The following RGL1 variants were observed in gnomAD, a reference collection of about 807,000 sequenced individuals.
The protein encoded by RGL1 is ral guanine nucleotide dissociation stimulator-like 1.
RGL1 carries 24 observed loss-of-function variants against 95.2 expected under a neutral mutation model. The ratio of observed to expected loss-of-function variants is 0.25; its 90% CI spans 0.18 to 0.35. The LOEUF (loss-of-function observed/expected upper bound fraction) is 0.35. RGL1 is among the 10% of genes least tolerant of loss of function. RGL1 has a pLI of 1.00. For missense variants in RGL1, 715 were observed against 936.3 expected (o/e 0.76, Z 3.08); for synonymous variants, 329 against 344.9 (o/e 0.95, Z 0.51).
At chr1:183,736,213 C>T (rs891237643) in intron 1 of RGL1, among the ~76,000 whole-genome samples, 4 of 152,154 alleles carry the variant, frequency 2.6e-5, no homozygotes, top group African/African-American at 2.4e-5. Flanking sequence ...AAGTACAATA[C>T]GTGAGTGAAA....
Position 183,847,573 on chromosome 1 carries a change from G to A in RGL1, c.146G>A (p.Gly49Glu), listed in dbSNP as rs1400480784. The change falls in exon 3 of 18, where the codon GGG becomes GAG. Residue 49 changes from glycine (G) to glutamate (E), a missense_variant. Physicochemically the swap from Gly to Glu is moderately conservative, Grantham distance 98. This residue lies in a region of RGL1 where 381 missense variants were observed against 484.8 expected (regional missense o/e 0.79). Coordinates refer to ENST00000360851, the MANE Select transcript of RGL1 (RefSeq NM_001297671.3). ...TGTTAATTTATTATACAGGTTGAAG[G>A]GGACCAGCTGCCTCCAGGACACACA... ...NKGARWLGVE[G>E]DQLPPGHTVS... 6.2e-7 allele frequency: 1 copy of A among 1,613,642 alleles called. No homozygotes were observed. Among genetic ancestry groups the A allele is most frequent in the African/African-American group, 1.3e-5 (1 of 74,906 alleles).
intron 1 of RGL1, among the ~76,000 whole-genome samples, chr1:183,734,208 G>A (rs79541912): frequency 0.012 from 1,884 of 152,216 alleles, 47 homozygotes; most frequent in African/African-American, 0.043. Context: ...CATTCCTCCC[G>A]TGAGAAGTCC....
At chr1:183,907,984 G>A (rs192738870) in intron 14 of RGL1, among the ~76,000 whole-genome samples, 44 of 152,122 alleles carry the variant, frequency 2.9e-4, no homozygotes, top group African/African-American at 8.0e-4. Flanking sequence ...ATGACAGGGC[G>A]AGACCCTGTC....
Position 183,805,237 on chromosome 1 carries a change from T to G in RGL1, c.-61T>G. On this transcript the variant is annotated 5_prime_UTR_variant, in exon 1 of 18. The change creates a new upstream start codon in the 5' untranslated region. Transcript: ENST00000360851. ...CCGCGGGGCTGAGCCCAGCAGACAT[T>G]GCGTTGGCCTCCGAGCAGGGCGCAT... 6.3e-7 allele frequency: 1 copy of G among 1,599,598 alleles called. No individual in the cohort carries two copies. The highest frequency in any genetic ancestry group is 1.3e-5 in the African/African-American group (1 of 74,818).
intron 9 of RGL1, among the ~76,000 whole-genome samples, chr1:183,893,105 G>A (rs2102675787): frequency 6.6e-6 from 1 of 152,330 alleles, no homozygotes; most frequent in African/African-American, 2.4e-5. Context: ...CAGCTTCATA[G>A]AGAAGGTAAA....
chr1:183,650,269 C>T lies in RGL1; in HGVS notation c.-33+13768C>T, dbSNP rs540695586. Reference sequence around the variant, plus strand: ...TTATTAAAAATAATATTCGGCCAGGCGTGGTGGCTCACGCCTATAATCCCA... The same window carrying T: ...TTATTAAAAATAATATTCGGCCAGGTGTGGTGGCTCACGCCTATAATCCCA... On this transcript the variant is annotated intron_variant, in intron 1 of 18. Transcript: ENST00000304685. 4.9e-5 allele frequency among the ~76,000 whole-genome samples: 7 copies of T among 143,814 alleles called. 1 individual carries two copies. In the South Asian group the frequency reaches 1.3e-3, roughly 27 times the overall value. 94.3% of individuals were successfully genotyped at this position (143,814 alleles called of 152,430 possible). A position where few individuals can be genotyped will look rare whatever the true frequency, so the allele number is the denominator to read the frequency against.
At chr1:183,748,911 T>C (rs1205664556) in intron 2 of RGL1, among the ~76,000 whole-genome samples, 1 of 152,222 alleles carries the variant, frequency 6.6e-6, no homozygotes, top group African/African-American at 2.4e-5. Context: ...TTGTTCAGTT[T>C]CCATGTAGTT....
At position 183,725,373 on chromosome 1, in the gene RGL1, C is replaced by T. The variant is rs561766414; in HGVS notation, c.-32-16753C>T. On this transcript the variant is annotated intron_variant, in intron 1 of 18. Transcript: ENST00000304685. Reference sequence around the variant, plus strand: ...GTCTTGGGAGGCCTCAGGAAACTTACAATCATGGCAGAAGGGGAGGCAAAT... The same window carrying T: ...GTCTTGGGAGGCCTCAGGAAACTTATAATCATGGCAGAAGGGGAGGCAAAT... 2.0e-5 allele frequency among the ~76,000 whole-genome samples: 3 copies of T among 152,142 alleles called. No individual in the cohort carries two copies. The East Asian group carries it at 5.8e-4, about 29-fold the overall frequency.
chr1:183,806,488 G>A lies in RGL1; in HGVS notation c.138+3G>A, dbSNP rs1661345654. The A allele has an allele frequency of 6.2e-7, 1 of 1,602,104 alleles. No individual in the cohort carries two copies. Among genetic ancestry groups the A allele is most frequent in the African/African-American group, 1.3e-5 (1 of 74,598 alleles). On this transcript the variant is annotated splice_donor_region_variant and intron_variant, in intron 2 of 17. Transcript: ENST00000360851. ...ATAAAGGAGCAAGATGGCTAGGGGTGAGTAAAGCTGGCGAGATGGTGAACT... is the reference window on the plus strand; with the variant it reads ...ATAAAGGAGCAAGATGGCTAGGGGTAAGTAAAGCTGGCGAGATGGTGAACT...
At chr1:183,744,533 G>A (rs915560724) in intron 2 of RGL1, among the ~76,000 whole-genome samples, 1 of 152,072 alleles carries the variant, frequency 6.6e-6, no homozygotes, top group Non-Finnish European at 1.5e-5. Context: ...TCTCACTCCA[G>A]TCCTGGCCCT....
intron 6 of RGL1, 110 bp from the exon 7 acceptor site, chr1:183,884,613 G>T: frequency 2.5e-6 from 2 of 810,214 alleles, no homozygotes; most frequent in Admixed American, 2.4e-5. Flanking sequence ...AAGTAGAAAA[G>T]GATTATCTGG....
chr1:183,905,516 C>G (rs1406071019), intron 13 of RGL1, among the ~76,000 whole-genome samples: 1 of 152,078 alleles, frequency 6.6e-6, no homozygotes, highest in Non-Finnish European at 1.5e-5. Flanking sequence ...AAAGGAGAAA[C>G]AAGATTTTGC....
At chr1:183,669,333 A>G (rs1387159004) in intron 1 of RGL1, among the ~76,000 whole-genome samples, 1 of 152,082 alleles carries the variant, frequency 6.6e-6, no homozygotes, top group African/African-American at 2.4e-5. Context: ...ATTTTTTTGT[A>G]ATCTCTGTGA....
intron 1 of RGL1, among the ~76,000 whole-genome samples, chr1:183,730,218 G>C (rs1656550072): frequency 6.6e-6 from 1 of 152,170 alleles, no homozygotes; most frequent in Non-Finnish European, 1.5e-5. Flanking sequence ...TTTCTCCATA[G>C]TATAAAGCCT....
chr1:183,903,380 A>G lies in RGL1; in HGVS notation c.1350+780A>G, dbSNP rs147347793. Among the ~76,000 whole-genome samples, 32 of 152,330 alleles carry G rather than the reference A, an allele frequency of 2.1e-4. No individual in the cohort carries two copies. In the East Asian group the frequency reaches 5.6e-3, roughly 27 times the overall value. On this transcript the variant is annotated intron_variant, in intron 12 of 17. Coordinates refer to ENST00000360851, the MANE Select transcript of RGL1 (RefSeq NM_001297671.3). ...GGATAGCACAGTTCTGAACTGTGCT[A>G]TTCAAGATAAAACAGTCTTGAAATT...
At chr1:183,660,777 A>T (rs570656790) in intron 1 of RGL1, among the ~76,000 whole-genome samples, 1 of 152,062 alleles carries the variant, frequency 6.6e-6, no homozygotes, top group African/African-American at 2.4e-5. Flanking sequence ...ACCACACCAC[A>T]CCTATTCCAA....
At chr1:183,918,046 A>G (rs771685847) in intron 16 of RGL1, among the ~76,000 whole-genome samples, 3 of 152,332 alleles carry the variant, frequency 2.0e-5, no homozygotes, top group Non-Finnish European at 4.4e-5. Context: ...GAATCCATTC[A>G]TTTAGTTACC....
chr1:183,780,513 T>G (rs1659842442), intron 2 of RGL1, among the ~76,000 whole-genome samples: 1 of 152,182 alleles, frequency 6.6e-6, no homozygotes, highest in African/African-American at 2.4e-5. Flanking sequence ...TGCCCTCTTC[T>G]GCCCCAGCAC....
chr1:183,791,397 T>C (rs1385274995), intron 2 of RGL1, among the ~76,000 whole-genome samples: 1 of 152,260 alleles, frequency 6.6e-6, no homozygotes, highest in Non-Finnish European at 1.5e-5. Context: ...TAATTTTTGT[T>C]ACAATTATAT....
Sources: allele counts gnomAD v4.1 joint callset (sites outside exome capture counted in the v4.1 genomes callset), GRCh38; gene constraint gnomAD v4.1.1; regional missense constraint gnomAD v4.1.1; transcripts MANE v1.5; gene names NCBI Gene and HGNC (gene_info 2026-07-23, HGNC 2026-07-21).